Variants in C8orf34 observed in about 807,000 individuals in gnomAD.
C8orf34 encodes chromosome 8 open reading frame 34.
In C8orf34, 65 loss-of-function variants were observed where a neutral mutation model predicts 68.3. The observed-to-expected ratio is 0.95, with a 90% CI of 0.78 to 1.17. The LOEUF (loss-of-function observed/expected upper bound fraction) is 1.17. C8orf34 is among the 50% of genes most tolerant of loss of function. The probability of loss-of-function intolerance (pLI) is 0.00; values close to 1 mark genes in which losing one functional copy is unlikely to be tolerated. For synonymous variants in C8orf34, 244 were observed against 241.2 expected (o/e 1.01, Z -0.11); for missense variants, 664 against 655.4 (o/e 1.01, Z -0.14).
intron 10 of C8orf34, among the ~76,000 whole-genome samples, chr8:68,758,668 G>C (rs1187094753): frequency 6.6e-6 from 1 of 152,038 alleles, no homozygotes; most frequent in Non-Finnish European, 1.5e-5. Context: ...CTTTCTGCGT[G>C]GGAACCTGGG....
At chr8:68,687,022 C>G (rs1414316755) in intron 8 of C8orf34, among the ~76,000 whole-genome samples, 1 of 151,826 alleles carries the variant, frequency 6.6e-6, no homozygotes, top group African/African-American at 2.4e-5. Context: ...CCAACAGCTT[C>G]AAGAAAAATA....
intron 9 of C8orf34, among the ~76,000 whole-genome samples, chr8:68,713,407 A>G (rs1237000483): frequency 6.6e-6 from 1 of 151,826 alleles, no homozygotes; most frequent in Non-Finnish European, 1.5e-5. Context: ...AAACATAAAT[A>G]TAGCAAGATT....
chr8:68,399,915 G>C (rs907433663), intron 1 of C8orf34, among the ~76,000 whole-genome samples: 1 of 152,116 alleles, frequency 6.6e-6, no homozygotes, highest in African/African-American at 2.4e-5. Flanking sequence ...GATGATTGAT[G>C]ATGAGCATTT....
At chr8:68,354,362 G>C (rs1806655026) in intron 1 of C8orf34, among the ~76,000 whole-genome samples, 1 of 151,856 alleles carries the variant, frequency 6.6e-6, no homozygotes, top group South Asian at 2.1e-4. Context: ...TGTTTTTAGA[G>C]ACAGGATCTT....
At chr8:68,474,530 A>G (rs1812518360) in intron 4 of C8orf34, among the ~76,000 whole-genome samples, 1 of 152,130 alleles carries the variant, frequency 6.6e-6, no homozygotes, top group Admixed American at 6.6e-5. Context: ...GTGTTAGAAA[A>G]AAAAAGAGGA....
intron 7 of C8orf34, among the ~76,000 whole-genome samples, chr8:68,622,354 T>C (rs1208598796): frequency 1.3e-5 from 2 of 152,168 alleles, no homozygotes; most frequent in Non-Finnish European, 2.9e-5. Context: ...GCAGGGATCA[T>C]GGGGCCATGT....
chr8:68,460,913 C>A (rs1205826671), intron 3 of C8orf34, among the ~76,000 whole-genome samples: 1 of 152,208 alleles, frequency 6.6e-6, no homozygotes, highest in African/African-American at 2.4e-5. Context: ...AACGCAGTTC[C>A]TCACCAGCAA....
At chr8:68,779,476 G>A (rs962941424) in intron 11 of C8orf34, among the ~76,000 whole-genome samples, 2 of 152,112 alleles carry the variant, frequency 1.3e-5, no homozygotes, top group African/African-American at 4.8e-5. Context: ...CAGTGTGGCA[G>A]CTTCACAATC....
intron 8 of C8orf34, among the ~76,000 whole-genome samples, chr8:68,658,902 A>G (rs1274485028): frequency 6.6e-6 from 1 of 152,140 alleles, no homozygotes; most frequent in Admixed American, 6.5e-5. Flanking sequence ...AGTCATTTTT[A>G]AGCTAGCTCA....
chr8:68,709,991 A>G (rs766484550), intron 9 of C8orf34, among the ~76,000 whole-genome samples: 2 of 152,216 alleles, frequency 1.3e-5, no homozygotes, highest in Non-Finnish European at 2.9e-5. Flanking sequence ...TGAGAAGGAC[A>G]TCTTCAACAG....
At chr8:68,332,077 C>T (rs1253263627) in intron 1 of C8orf34, among the ~76,000 whole-genome samples, 6 of 151,658 alleles carry the variant, frequency 4.0e-5, no homozygotes, top group Admixed American at 6.6e-5. Context: ...GACTATAGCT[C>T]TGAGCTGGTT....
Position 68,671,271 on chromosome 8 carries a change from A to G in C8orf34, c.1241+30760A>G, listed in dbSNP as rs550276983. 7.2e-5 allele frequency among the ~76,000 whole-genome samples: 11 copies of G among 152,308 alleles called. No individual in the cohort carries two copies. The South Asian group carries it at 1.2e-3, about 17-fold the overall frequency. Reference sequence around the variant, plus strand: ...TTTACAAAATCTGTATTTTCATGTTAAAGATGAACTGAAAAATATGAGCAT... The same window carrying G: ...TTTACAAAATCTGTATTTTCATGTTGAAGATGAACTGAAAAATATGAGCAT... On this transcript the variant is annotated intron_variant, in intron 8 of 13. Coordinates refer to ENST00000518698, the MANE Select transcript of C8orf34 (RefSeq NM_052958.4).
At chr8:68,672,917 CT>C (rs1347888163) in intron 8 of C8orf34, among the ~76,000 whole-genome samples, 1 of 152,190 alleles carries the variant, frequency 6.6e-6, no homozygotes, top group Non-Finnish European at 1.5e-5. Context: ...TGTCTTGTAT[CT>C]TGGATACCAG....
At chr8:68,346,692 T>C (rs1242621299) in intron 1 of C8orf34, among the ~76,000 whole-genome samples, 4 of 152,174 alleles carry the variant, frequency 2.6e-5, no homozygotes, top group Non-Finnish European at 5.9e-5. Flanking sequence ...GTTGGAATCA[T>C]ACAATATGTA....
intron 12 of C8orf34, among the ~76,000 whole-genome samples, chr8:68,794,506 T>TATATATATATATATATACATA (rs58048066): frequency 1.7e-5 from 1 of 59,012 alleles, no homozygotes; most frequent in African/African-American, 1.0e-4. Flanking sequence ...TATATATATA[T>TATATATATATATATATACATA]TTTTTTTTTT....
chr8:68,425,534 A>T (rs1378002995), intron 1 of C8orf34, among the ~76,000 whole-genome samples: 1 of 152,164 alleles, frequency 6.6e-6, no homozygotes, highest in Admixed American at 6.5e-5. Context: ...ATCATTATAA[A>T]ACTAAAGAAA....
intron 12 of C8orf34, among the ~76,000 whole-genome samples, chr8:68,808,397 A>G (rs554244359): frequency 2.0e-5 from 3 of 152,072 alleles, no homozygotes; most frequent in South Asian, 2.1e-4. Flanking sequence ...TTTGCCAAAC[A>G]TAGTATGTGC....
intron 1 of C8orf34, among the ~76,000 whole-genome samples, chr8:68,343,230 A>G (rs1211471422): frequency 6.6e-6 from 1 of 152,218 alleles, no homozygotes; most frequent in East Asian, 1.9e-4. Flanking sequence ...ACCATTTGCT[A>G]TTAGAGAAAT....
At chr8:68,346,593 CCTAT>C (rs369370089) in intron 1 of C8orf34, among the ~76,000 whole-genome samples, 384 of 152,068 alleles carry the variant, frequency 2.5e-3, no homozygotes, top group African/African-American at 8.5e-3. Context: ...TGTGTTTTTG[CCTAT>C]CTGTCTCTCC....
Sources: allele counts gnomAD v4.1 joint callset (sites outside exome capture counted in the v4.1 genomes callset), GRCh38; gene constraint gnomAD v4.1.1; transcripts MANE v1.5; gene names NCBI Gene and HGNC (gene_info 2026-07-23, HGNC 2026-07-21).